Variants in CEP72 observed in about 807,000 individuals in gnomAD.
The protein encoded by CEP72 is centrosomal protein of 72 kDa.
Under a neutral mutation model 65.7 loss-of-function variants are expected in CEP72, and 78 were observed. The observed-to-expected ratio is 1.19, with a 90% CI of 0.99 to 1.43. The LOEUF (loss-of-function observed/expected upper bound fraction) is 1.43. CEP72 is among the 40% of genes most tolerant of loss of function. The pLI is 0.00. For missense variants in CEP72, 914 were observed against 832.9 expected (o/e 1.10, Z -1.20); for synonymous variants, 358 against 351.7 (o/e 1.02, Z -0.20).
At chr5:658,739 G>A (rs996264831), downstream of CEP72, among the ~76,000 whole-genome samples, 3 of 124,800 alleles carry the variant, frequency 2.4e-5, no homozygotes, top group African/African-American at 6.0e-5. Flanking sequence ...CGTGATCTCG[G>A]CTCACTGCAA....
Position 644,378 on chromosome 5 carries a change from A to G in CEP72, c.1619A>G (p.Glu540Gly). Reference protein sequence around the residue: ...LKSLLLSMKKEVKSADTAATL... With the variant: ...LKSLLLSMKKGVKSADTAATL... ...TCGCTTTTGTTGAGTATGAAAAAGG[A>G]AGTGAAGAGTGCAGACACTGCAGCC... is the stretch of plus-strand genomic sequence containing the variant. Residue 540 changes from glutamate to glycine, a missense_variant, in exon 10 of 12, where the codon GAA becomes GGA. Physicochemically the swap from Glu to Gly is moderately conservative, Grantham distance 98. Transcript: ENST00000264935. 1 of 1,613,954 alleles carries G rather than the reference A, an allele frequency of 6.2e-7. No individual in the cohort carries two copies.
chr5:640,662 A>G (rs1028904436), intron 9 of CEP72, 58 bp downstream of exon 9: 26 of 1,523,124 alleles, frequency 1.7e-5, no homozygotes, highest in Non-Finnish European at 2.3e-5. Flanking sequence ...CATGGCTCTG[A>G]CTTCCAGGAA....
chr5:647,688 G>A (rs1738511750), intron 10 of CEP72, 117 bp from the exon 11 acceptor site: 1 of 705,086 alleles, frequency 1.4e-6, no homozygotes. Context: ...ATCTTTTCCA[G>A]CTATATTCTT....
At chr5:668,890 G>A (rs886521039), downstream of CEP72, among the ~76,000 whole-genome samples, 2 of 152,138 alleles carry the variant, frequency 1.3e-5, no homozygotes, top group African/African-American at 4.8e-5. Flanking sequence ...TGGGTGCCAA[G>A]TGGCCAGGCT....
chr5:663,132 C>A (rs866973678), intron 1 of CEP72: 1 of 112,928 alleles, frequency 8.9e-6, no homozygotes, highest in Admixed American at 9.0e-5. Context: ...CGGGCGATTC[C>A]GGTGACCGCT....
At chr5:633,994 G>GAT (rs764578288) in intron 5 of CEP72, 47 bp downstream of exon 5, 3 of 1,575,676 alleles carry the variant, frequency 1.9e-6, no homozygotes, top group Non-Finnish European at 2.6e-6. Context: ...CTGGCTCTGG[G>GAT]ATATATATAG....
intron 11 of CEP72, among the ~76,000 whole-genome samples, chr5:650,486 G>A (rs1163603201): frequency 2.2e-5 from 2 of 89,734 alleles, no homozygotes; most frequent in Non-Finnish European, 4.3e-5. Flanking sequence ...ACTGTGAGGT[G>A]TGGACTGTGA....
chr5:648,607 CTG>C (rs1453367741), intron 11 of CEP72, among the ~76,000 whole-genome samples: 1 of 109,640 alleles, frequency 9.1e-6, no homozygotes, highest in Non-Finnish European at 1.7e-5. Flanking sequence ...GAGGCGTGGA[CTG>C]TGAGGCGTGG....
the CEP72 span, among the ~76,000 whole-genome samples, chr5:672,747 C>T: frequency 1.3e-5 from 2 of 152,250 alleles, no homozygotes; most frequent in African/African-American, 4.8e-5. Context: ...GGTCCGGTCC[C>T]GCCTGTGCAC....
At chr5:666,705 A>T (rs1739931542) in intron 4 of CEP72, among the ~76,000 whole-genome samples, 1 of 152,222 alleles carries the variant, frequency 6.6e-6, no homozygotes, top group Non-Finnish European at 1.5e-5. Context: ...AGGTGCCATG[A>T]GAAGCTTCTG....
At chr5:634,194 A>G (rs1398983377) in intron 5 of CEP72, among the ~76,000 whole-genome samples, 1 of 152,256 alleles carries the variant, frequency 6.6e-6, no homozygotes, top group African/African-American at 2.4e-5. Flanking sequence ...TTCTGAGATC[A>G]CAGGAAAAGG....
rs756057569 is a variant in CEP72, at chr5:649,342, TG to T, written c.1778+1428del. On this transcript the variant is annotated intron_variant, in intron 11 of 11. Transcript: ENST00000264935. ...GACTGTGAGGCGTGACTGTGAGGCG[TG>T]GACTGTGAGGCGTGGACTGTGAGGT... 1.6e-3 allele frequency among the ~76,000 whole-genome samples: 67 copies of T among 42,442 alleles called. 10 individuals carry two copies. The highest frequency in any genetic ancestry group is 7.8e-3 in the African/African-American group (60 of 7,654). The allele number at this position is 42,442 out of a possible 152,430, so 27.8% of individuals were successfully genotyped here.
chr5:650,414 G>A (rs1487883413), intron 11 of CEP72, among the ~76,000 whole-genome samples: 1 of 72,262 alleles, frequency 1.4e-5, no homozygotes, highest in Non-Finnish European at 2.6e-5. Flanking sequence ...GACTGTGGGT[G>A]TGAGGTGTGA....
Position 642,161 on chromosome 5 carries a change from C to T in CEP72, c.1539+1557C>T, listed in dbSNP as rs867218430. The T allele has an allele frequency of 6.1e-5, 55 of 905,912 alleles. 9 individuals are homozygous for T. The highest frequency in any genetic ancestry group is 5.7e-4 in the Middle Eastern group (1 of 1,768). 56.1% of individuals were successfully genotyped at this position (905,912 alleles called of 1,614,324 possible). On this transcript the variant is annotated intron_variant, in intron 9 of 11. Transcript: ENST00000264935. ...CTGCATTTGAACACACGTGGTCCCC[C>T]GTCTAGAAGCCTCTGCATTTAAACA...
chr5:623,690 G>A lies in CEP72; in HGVS notation c.404-781G>A, dbSNP rs547922812. Among the ~76,000 whole-genome samples the A allele has an allele frequency of 2.8e-4, 42 of 152,172 alleles. No homozygotes were observed. Among genetic ancestry groups the A allele is most frequent in the Middle Eastern group, 3.4e-3 (1 of 294 alleles). On this transcript the variant is annotated intron_variant, in intron 3 of 11. Transcript: ENST00000264935. This position sits in a 1 kb window ranked among gnomAD's most constrained non-coding sequence, Gnocchi z 5.3. ...TGGGATTGGGTGCAGGTCTCCTGGC[G>A]CACGTGTCTCCTGAGGGTGCCCTGT...
chr5:637,198 G>A (rs904384367), intron 6 of CEP72, among the ~76,000 whole-genome samples: 1 of 152,222 alleles, frequency 6.6e-6, no homozygotes, highest in African/African-American at 2.4e-5. Flanking sequence ...CGTACTGCAC[G>A]TCGGTCATCA....
chr5:616,531 A>G (rs1735999613), intron 1 of CEP72, among the ~76,000 whole-genome samples: 1 of 151,718 alleles, frequency 6.6e-6, no homozygotes, highest in Non-Finnish European at 1.5e-5. Flanking sequence ...TTTTTATCAT[A>G]TTGTGGACAT....
In CEP72 at chr5:643,245, C is replaced by A. The variant is rs113750924; in HGVS notation, c.1540-1054C>A. The A allele has an allele frequency of 5.0e-3, 4,901 of 985,398 alleles. 22 individuals carry two copies. Among genetic ancestry groups the A allele is most frequent in the African/African-American group, 0.014 (803 of 57,348 alleles). 61.0% of individuals were successfully genotyped at this position (985,398 alleles called of 1,614,324 possible). ...AAAGAGCTGGGAGCTCACAGCCCTG[C>A]CTTAAGAGCTCACCGCATCCTTGGG... On this transcript the variant is annotated intron_variant, in intron 9 of 11. Transcript: ENST00000264935.
Position 653,033 on chromosome 5 carries a change from G to C in CEP72, c.1824G>C (p.Gln608His), listed in dbSNP as rs201470679. ...TNEHLLQELS[Q>H]VRAQHRAEVE... ...AACACCTGCTGCAGGAGCTGAGCCA[G>C]GTGCGGGCGCAGCACAGAGCCGAGG... The change falls in exon 12 of 12, where the codon CAG becomes CAC. Residue 608 changes from glutamine to histidine, a missense_variant. Transcript: ENST00000264935. 3 of 1,613,662 alleles carry C rather than the reference G, an allele frequency of 1.9e-6. No individual in the cohort carries two copies. Among genetic ancestry groups the C allele is most frequent in the East Asian group, 4.5e-5 (2 of 44,868 alleles).
Sources: allele counts gnomAD v4.1 joint callset (sites outside exome capture counted in the v4.1 genomes callset), GRCh38; gene constraint gnomAD v4.1.1; non-coding constraint Gnocchi (gnomAD v3.1); transcripts MANE v1.5; gene names NCBI Gene and HGNC (gene_info 2026-07-23, HGNC 2026-07-21).